The following GRIN2B variants were observed in gnomAD, a reference collection of about 807,000 sequenced individuals.
GRIN2B encodes the protein glutamate ionotropic receptor NMDA type subunit 2B, also known as glutamate receptor ionotropic, NMDA 2B.
GRIN2B carries 5 observed loss-of-function variants against 114.5 expected under a neutral mutation model. The ratio of observed to expected loss-of-function variants is 0.04; its 90% CI spans 0.02 to 0.09. GRIN2B has a LOEUF of 0.09. Among genes scored for constraint, GRIN2B ranks in the 10% least tolerant of loss-of-function variants. The probability of loss-of-function intolerance (pLI) is 1.00; values close to 1 mark genes in which losing one functional copy is unlikely to be tolerated. For synonymous variants in GRIN2B, 787 were observed against 745.1 expected (o/e 1.06, Z -0.92); for missense variants, 1,108 against 1,943.5 (o/e 0.57, Z 8.08).
At chr12:13,791,504 T>G (rs1245096106) in intron 3 of GRIN2B, among the ~76,000 whole-genome samples, 1 of 151,444 alleles carries the variant, frequency 6.6e-6, no homozygotes, top group Admixed American at 6.6e-5. Context: ...GCTTACAGAA[T>G]TTTTAATGAC....
chr12:13,725,270 C>A (rs1189730683), intron 4 of GRIN2B, among the ~76,000 whole-genome samples: 1 of 151,428 alleles, frequency 6.6e-6, no homozygotes. Context: ...ATTTTGAATA[C>A]AAGGAAGAAA....
intron 2 of GRIN2B, among the ~76,000 whole-genome samples, chr12:13,874,979 T>C (rs925687798): frequency 6.6e-6 from 1 of 152,124 alleles, no homozygotes; most frequent in East Asian, 1.9e-4. Context: ...TAGGTAAACG[T>C]CTGCCATAGT....
At chr12:13,722,242 G>A (rs976140529) in intron 4 of GRIN2B, among the ~76,000 whole-genome samples, 9 of 152,208 alleles carry the variant, frequency 5.9e-5, no homozygotes, top group Admixed American at 2.0e-4. Flanking sequence ...AAAAGCAGAC[G>A]TGTGGTCAAG....
intron 3 of GRIN2B, among the ~76,000 whole-genome samples, chr12:13,808,900 A>C (rs540493610): frequency 1.3e-5 from 2 of 152,108 alleles, no homozygotes; most frequent in Admixed American, 1.3e-4. Context: ...AACCAAACCA[A>C]AAACAGCTTA....
chr12:13,795,213 ATT>A (rs1169726205), intron 3 of GRIN2B, among the ~76,000 whole-genome samples: 1 of 152,246 alleles, frequency 6.6e-6, no homozygotes, highest in African/African-American at 2.4e-5. Context: ...ATCTAACAAC[ATT>A]TAGTGGATAA....
At chr12:13,635,588 T>C (rs1195103476) in intron 5 of GRIN2B, among the ~76,000 whole-genome samples, 1 of 152,150 alleles carries the variant, frequency 6.6e-6, no homozygotes, top group Non-Finnish European at 1.5e-5. Context: ...CAGACGTAAG[T>C]AGCAATCAAA....
intron 2 of GRIN2B, among the ~76,000 whole-genome samples, chr12:13,926,626 T>C (rs1295791864): frequency 1.3e-5 from 2 of 152,216 alleles, no homozygotes; most frequent in African/African-American, 4.8e-5. Flanking sequence ...TCAAGGACTT[T>C]ACCACCTGCC....
intron 2 of GRIN2B, among the ~76,000 whole-genome samples, chr12:13,901,026 G>T (rs529467655): frequency 1.3e-5 from 2 of 152,144 alleles, no homozygotes; most frequent in South Asian, 4.1e-4. Flanking sequence ...AATAACTGAA[G>T]TTCTCTAAGA....
At chr12:13,959,291 C>A (rs1040739772) in intron 2 of GRIN2B, among the ~76,000 whole-genome samples, 2 of 152,254 alleles carry the variant, frequency 1.3e-5, no homozygotes, top group Admixed American at 1.3e-4. Flanking sequence ...AATAGGTGAA[C>A]GCCCAGAGAC....
At chr12:13,740,034 C>A (rs1863254246) in intron 4 of GRIN2B, among the ~76,000 whole-genome samples, 1 of 152,098 alleles carries the variant, frequency 6.6e-6, no homozygotes, top group Non-Finnish European at 1.5e-5. Flanking sequence ...TAAACTGAGA[C>A]AATGAGATTA....
At chr12:13,711,588 CA>C (rs1164210310) in intron 4 of GRIN2B, among the ~76,000 whole-genome samples, 2 of 152,082 alleles carry the variant, frequency 1.3e-5, no homozygotes, top group Non-Finnish European at 2.9e-5. Flanking sequence ...AGACACTTCT[CA>C]AAAGAAGACA....
chr12:13,865,885 G>T lies in GRIN2B; in HGVS notation c.324C>A (p.Ile108=), dbSNP rs773282360. Residue 108 remains isoleucine, a synonymous_variant, in exon 3 of 14, where the codon ATC becomes ATA. Transcript: ENST00000609686. ...VFADDTDQEA[I]AQILDFISAQ... ...CTGAAATGAAATCGAGGATCTGGGC[G>T]ATGGCTTCCTGGTCTGTGTCATCAG... The T allele has an allele frequency of 1.9e-6, 3 of 1,614,042 alleles. No individual in the cohort carries two copies. Among genetic ancestry groups the T allele is most frequent in the Admixed American group, 3.3e-5 (2 of 60,030 alleles).
intron 4 of GRIN2B, among the ~76,000 whole-genome samples, chr12:13,700,702 C>G (rs1284327961): frequency 1.3e-5 from 2 of 152,190 alleles, no homozygotes; most frequent in Non-Finnish European, 2.9e-5. Context: ...GTCAAACACT[C>G]TAACTAATGC....
intron 10 of GRIN2B, among the ~76,000 whole-genome samples, chr12:13,593,492 T>C (rs1312226009): frequency 1.3e-5 from 2 of 152,192 alleles, no homozygotes; most frequent in African/African-American, 4.8e-5. Flanking sequence ...TGGCTAGCCA[T>C]ATGCAGAAAG....
At chr12:13,910,282 C>G (rs1177501776) in intron 2 of GRIN2B, among the ~76,000 whole-genome samples, 2 of 152,150 alleles carry the variant, frequency 1.3e-5, no homozygotes, top group Non-Finnish European at 2.9e-5. Context: ...ATAGGACACA[C>G]ACATAAACAC....
chr12:13,905,741 CA>C (rs1357701757), intron 2 of GRIN2B, among the ~76,000 whole-genome samples: 5 of 152,118 alleles, frequency 3.3e-5, no homozygotes, highest in Non-Finnish European at 7.4e-5. Flanking sequence ...GGTTCTTCAC[CA>C]TTCATTTATG....
intron 2 of GRIN2B, among the ~76,000 whole-genome samples, chr12:13,900,122 C>T (rs1866418767): frequency 6.6e-6 from 1 of 152,104 alleles, no homozygotes; most frequent in African/African-American, 2.4e-5. Flanking sequence ...CATATCAACT[C>T]AAGAAAATAT....
chr12:13,770,075 T>A (rs1336426865), intron 3 of GRIN2B, among the ~76,000 whole-genome samples: 1 of 152,240 alleles, frequency 6.6e-6, no homozygotes, highest in Admixed American at 6.5e-5. Flanking sequence ...ATGAAATTTC[T>A]CCTATCTTGC....
chr12:13,727,721 G>C lies in GRIN2B; in HGVS notation c.1010+25596C>G, dbSNP rs186415579. On this transcript the variant is annotated intron_variant, in intron 4 of 13. Coordinates refer to ENST00000609686, the MANE Select transcript of GRIN2B (RefSeq NM_000834.5). ...ACTCAGATGGTCATTGTTTCTCAAG[G>C]TGGGAGGACCTGATGCTGTGATCAC... 1.2e-4 allele frequency among the ~76,000 whole-genome samples: 19 copies of C among 152,312 alleles called. No individual in the cohort carries two copies. In the East Asian group the frequency reaches 3.1e-3, roughly 25 times the overall value.
Sources: gnomAD v4.1 joint callset for allele counts (sites outside exome capture counted in the v4.1 genomes callset) on GRCh38, gnomAD v4.1.1 for gene constraint, MANE v1.5 for transcripts, NCBI Gene and HGNC (gene_info 2026-07-23, HGNC 2026-07-21) for gene names.